The following CCDC3 variants were observed in gnomAD, a reference collection of about 807,000 sequenced individuals.
CCDC3 encodes the protein coiled-coil domain-containing protein 3.
CCDC3 carries 24 observed loss-of-function variants against 21.4 expected under a neutral mutation model. The observed-to-expected ratio is 1.12, with a 90% CI of 0.81 to 1.58. CCDC3 has a LOEUF of 1.58. CCDC3 is among the 40% of genes most tolerant of loss of function. The pLI is 0.00. For missense variants in CCDC3, 425 were observed against 360.9 expected (o/e 1.18, Z -1.44); for synonymous variants, 186 against 166.0 (o/e 1.12, Z -0.93).
chr10:13,033,142 G>T (rs1330092998), intron 5 of CCDC3, among the ~76,000 whole-genome samples: 1 of 152,100 alleles, frequency 6.6e-6, no homozygotes, highest in East Asian at 1.9e-4. Context: ...CCAAAACAGA[G>T]ATATAGACCA....
intron 4 of CCDC3, among the ~76,000 whole-genome samples, chr10:13,056,167 G>C (rs1836678043): frequency 6.6e-6 from 1 of 152,158 alleles, no homozygotes; most frequent in Admixed American, 6.5e-5. Context: ...TCAATGCAGG[G>C]ACTTTGCTCC....
chr10:12,981,558 T>C (rs1167822992), intron 2 of CCDC3, among the ~76,000 whole-genome samples: 2 of 151,926 alleles, frequency 1.3e-5, no homozygotes, highest in African/African-American at 2.4e-5. Context: ...GATTGAAAAA[T>C]AAACTTAGTT....
At chr10:12,958,243 C>T (rs1354540868) in intron 2 of CCDC3, among the ~76,000 whole-genome samples, 1 of 152,176 alleles carries the variant, frequency 6.6e-6, no homozygotes, top group Non-Finnish European at 1.5e-5. Flanking sequence ...CAACCCAAGA[C>T]CATGAAGAAG....
chr10:13,014,104 T>C (rs571027230), intron 5 of CCDC3, among the ~76,000 whole-genome samples: 1 of 151,326 alleles, frequency 6.6e-6, no homozygotes, highest in African/African-American at 2.4e-5. Context: ...TGAGCCGAGA[T>C]CACGCCATTG....
intron 2 of CCDC3, among the ~76,000 whole-genome samples, chr10:12,915,656 A>C (rs1306530255): frequency 6.6e-6 from 1 of 152,196 alleles, no homozygotes; most frequent in African/African-American, 2.4e-5. Context: ...GATTCTGGGC[A>C]GGCTGTCTTG....
At chr10:13,075,735 TG>T (rs1836955994) in intron 3 of CCDC3, among the ~76,000 whole-genome samples, 1 of 152,050 alleles carries the variant, frequency 6.6e-6, no homozygotes, top group East Asian at 1.9e-4. Flanking sequence ...CTCAGTGCAA[TG>T]GTTAATTTTA....
intron 2 of CCDC3, among the ~76,000 whole-genome samples, chr10:12,968,700 C>T (rs1280535930): frequency 2.0e-5 from 3 of 152,090 alleles, no homozygotes; most frequent in Non-Finnish European, 4.4e-5. Context: ...AAGATGTAAA[C>T]TGTGACATCA....
intron 2 of CCDC3, among the ~76,000 whole-genome samples, chr10:12,939,890 A>G (rs552120231): frequency 1.3e-5 from 2 of 152,332 alleles, no homozygotes; most frequent in South Asian, 4.1e-4. Flanking sequence ...CATTTTGCTA[A>G]TTCACTTGGC....
chr10:12,982,668 C>T (rs1355664375), intron 2 of CCDC3, among the ~76,000 whole-genome samples: 3 of 151,004 alleles, frequency 2.0e-5, no homozygotes, highest in Admixed American at 6.6e-5. Flanking sequence ...GTGGCATGCA[C>T]CTGTAATCCC....
At chr10:13,086,162 G>A (rs1036202905) in intron 3 of CCDC3, among the ~76,000 whole-genome samples, 2 of 152,132 alleles carry the variant, frequency 1.3e-5, no homozygotes, top group African/African-American at 4.8e-5. Context: ...AGGAAAGATG[G>A]CGCATATGAG....
intron 2 of CCDC3, among the ~76,000 whole-genome samples, chr10:12,981,266 G>A (rs1023001883): frequency 1.4e-4 from 20 of 146,040 alleles, no homozygotes; most frequent in Admixed American, 2.8e-4. Context: ...GGCAACTGCC[G>A]CCTCCCAGGT....
At chr10:13,076,707 G>A (rs540032949) in intron 3 of CCDC3, among the ~76,000 whole-genome samples, 20 of 152,182 alleles carry the variant, frequency 1.3e-4, no homozygotes, top group Non-Finnish European at 2.2e-4. Flanking sequence ...GTCCCAGCTC[G>A]CAGCCTATGC....
intron 2 of CCDC3, among the ~76,000 whole-genome samples, chr10:12,971,777 C>T (rs970322616): frequency 2.6e-4 from 39 of 152,146 alleles, no homozygotes; most frequent in African/African-American, 8.0e-4. Flanking sequence ...CCTCCGCCTC[C>T]CAGGTTCAAG....
chr10:13,088,004 T>C (rs2131452681), intron 3 of CCDC3, among the ~76,000 whole-genome samples: 1 of 152,304 alleles, frequency 6.6e-6, no homozygotes, highest in South Asian at 2.1e-4. Flanking sequence ...TTGTGTGCGT[T>C]TGAGAAAGGA....
chr10:12,994,329 CAGAGG>C (rs1835724698), intron 2 of CCDC3, among the ~76,000 whole-genome samples: 2 of 151,276 alleles, frequency 1.3e-5, no homozygotes, highest in African/African-American at 4.9e-5. Flanking sequence ...ACCTGGGAGA[CAGAGG>C]CTGCAGTAAG....
chr10:12,951,850 G>A (rs1001742030), intron 2 of CCDC3, among the ~76,000 whole-genome samples: 15 of 145,842 alleles, frequency 1.0e-4, no homozygotes, highest in African/African-American at 3.8e-4. Flanking sequence ...GTGGGCTACA[G>A]CCCAGAGCAC....
chr10:13,038,468 T>C (rs1364230329), intron 5 of CCDC3, among the ~76,000 whole-genome samples: 2 of 151,742 alleles, frequency 1.3e-5, no homozygotes, highest in Non-Finnish European at 2.9e-5. Flanking sequence ...GTAGCTCTGA[T>C]GGGAAAGAAC....
At chr10:13,058,002 A>T in intron 4 of CCDC3, 1 of 701,948 alleles carries the variant, frequency 1.4e-6, no homozygotes, top group Non-Finnish European at 2.6e-6. Flanking sequence ...TTCTTTATAT[A>T]TTGAAAGAAC....
intron 3 of CCDC3, among the ~76,000 whole-genome samples, chr10:13,083,425 A>G (rs1278321919): frequency 6.6e-6 from 1 of 152,232 alleles, no homozygotes; most frequent in Admixed American, 6.5e-5. Flanking sequence ...CCTTTTTGTT[A>G]AAGAATAAAT....
Sources: gnomAD v4.1 joint callset for allele counts (sites outside exome capture counted in the v4.1 genomes callset) on GRCh38, gnomAD v4.1.1 for gene constraint, MANE v1.5 for transcripts, NCBI Gene and HGNC (gene_info 2026-07-23, HGNC 2026-07-21) for gene names.